The following GRIP1 variants were observed in gnomAD, a reference collection of about 807,000 sequenced individuals.
GRIP1 encodes glutamate receptor-interacting protein 1.
In GRIP1, 45 loss-of-function variants were observed where a neutral mutation model predicts 129.9. The ratio of observed to expected loss-of-function variants is 0.35; its 90% CI spans 0.27 to 0.44. The LOEUF (loss-of-function observed/expected upper bound fraction) is 0.44. Ranked by LOEUF, GRIP1 falls within the 20% of genes least tolerant of loss-of-function variation. The pLI, the probability that GRIP1 is intolerant of heterozygous loss-of-function variation, is 1.00. For missense variants in GRIP1, 1,196 were observed against 1,396.8 expected (o/e 0.86, Z 2.29); for synonymous variants, 530 against 520.8 (o/e 1.02, Z -0.24).
At chr12:66,535,685 T>C (rs1227094170) in intron 4 of GRIP1, among the ~76,000 whole-genome samples, 2 of 152,236 alleles carry the variant, frequency 1.3e-5, no homozygotes, top group Admixed American at 6.5e-5. Context: ...GCAAGGTTTG[T>C]GAACATAGTC....
At chr12:66,477,230 A>T (rs2138501234) in intron 7 of GRIP1, among the ~76,000 whole-genome samples, 1 of 152,322 alleles carries the variant, frequency 6.6e-6, no homozygotes, top group African/African-American at 2.4e-5. Flanking sequence ...CCTCTACACC[A>T]ATAACAGACA....
chr12:66,578,999 G>A (rs2063257975), intron 2 of GRIP1, among the ~76,000 whole-genome samples: 1 of 152,198 alleles, frequency 6.6e-6, no homozygotes, highest in African/African-American at 2.4e-5. Flanking sequence ...GCCTAACTGG[G>A]AGGCACCCCC....
chr12:66,369,416 A>C (rs2055354616), intron 23 of GRIP1, among the ~76,000 whole-genome samples: 3 of 136,612 alleles, frequency 2.2e-5, no homozygotes, highest in African/African-American at 8.7e-5. Context: ...CGTCCAATTC[A>C]TTGTCATTAT....
intron 1 of GRIP1, among the ~76,000 whole-genome samples, chr12:66,662,941 A>G (rs1275470436): frequency 6.6e-6 from 1 of 152,204 alleles, no homozygotes. Context: ...ATCTTGGATT[A>G]AAGCCCAGGC....
At chr12:66,378,156 G>A (rs1424619463) in intron 20 of GRIP1, among the ~76,000 whole-genome samples, 1 of 151,812 alleles carries the variant, frequency 6.6e-6, no homozygotes, top group Non-Finnish European at 1.5e-5. Flanking sequence ...AAAGAAAGGA[G>A]AGGGGCCCAG....
At chr12:66,701,163 G>T (rs1313350400) in intron 1 of GRIP1, among the ~76,000 whole-genome samples, 4 of 152,028 alleles carry the variant, frequency 2.6e-5, no homozygotes, top group Non-Finnish European at 5.9e-5. Context: ...ATCCATTATG[G>T]TCCTACTCCT....
At chr12:66,694,622 A>G (rs1227010810) in intron 1 of GRIP1, among the ~76,000 whole-genome samples, 1 of 152,218 alleles carries the variant, frequency 6.6e-6, no homozygotes, top group East Asian at 1.9e-4. Context: ...CATTATTAGT[A>G]AAGTATTTAG....
At chr12:67,008,350 A>G (rs558780416) in intron 1 of GRIP1, among the ~76,000 whole-genome samples, 1 of 152,328 alleles carries the variant, frequency 6.6e-6, no homozygotes, top group Non-Finnish European at 1.5e-5. Flanking sequence ...CAAGTCTCAA[A>G]TCCATCCACC....
chr12:66,961,886 A>G (rs951369520), intron 1 of GRIP1, among the ~76,000 whole-genome samples: 7 of 152,176 alleles, frequency 4.6e-5, no homozygotes, highest in African/African-American at 1.4e-4. Context: ...TATATTGCTA[A>G]AAAACGTTGT....
chr12:66,599,518 C>T (rs113560832), intron 1 of GRIP1, among the ~76,000 whole-genome samples: 5 of 152,270 alleles, frequency 3.3e-5, no homozygotes, highest in African/African-American at 1.2e-4. Flanking sequence ...AGCTACCCAT[C>T]ACAGAATAAA....
intron 1 of GRIP1, among the ~76,000 whole-genome samples, chr12:67,066,395 T>C (rs116154008): frequency 1.1e-3 from 174 of 152,290 alleles, no homozygotes; most frequent in African/African-American, 4.0e-3. Flanking sequence ...TTAATTTGCG[T>C]TACATCTCAA....
intron 1 of GRIP1, among the ~76,000 whole-genome samples, chr12:66,753,059 C>A (rs1026554313): frequency 2.6e-5 from 4 of 152,080 alleles, no homozygotes; most frequent in Admixed American, 2.0e-4. Flanking sequence ...CTCTTTGACT[C>A]CCCAGCCCCT....
chr12:66,451,435 A>G (rs2058803026), intron 11 of GRIP1, among the ~76,000 whole-genome samples: 1 of 86,028 alleles, frequency 1.2e-5, no homozygotes. Flanking sequence ...ATAGGCTCTC[A>G]CTCTGTTGCC....
chr12:66,964,596 G>A (rs959939888), intron 1 of GRIP1, among the ~76,000 whole-genome samples: 7 of 151,822 alleles, frequency 4.6e-5, no homozygotes, highest in African/African-American at 7.3e-5. Flanking sequence ...ACCCTCTCCC[G>A]GCCAGTTTTC....
chr12:66,799,763 C>A (rs2038805012), intron 1 of GRIP1, among the ~76,000 whole-genome samples: 1 of 152,152 alleles, frequency 6.6e-6, no homozygotes, highest in East Asian at 1.9e-4. Context: ...TTTCCTGAAG[C>A]AGAGAGGGTG....
intron 1 of GRIP1, among the ~76,000 whole-genome samples, chr12:66,785,590 T>C (rs535154887): frequency 2.6e-5 from 4 of 152,036 alleles, no homozygotes; most frequent in Non-Finnish European, 4.4e-5. Context: ...TGTGTCCTTT[T>C]ATTTAAGTAG....
At chr12:66,537,338 T>C (rs2061635618) in intron 4 of GRIP1, among the ~76,000 whole-genome samples, 1 of 152,130 alleles carries the variant, frequency 6.6e-6, no homozygotes, top group Non-Finnish European at 1.5e-5. Context: ...CTAAAGTTCA[T>C]CTCTGCTATG....
chr12:66,474,505 C>A (rs1302598678), intron 7 of GRIP1, among the ~76,000 whole-genome samples: 1 of 152,050 alleles, frequency 6.6e-6, no homozygotes, highest in Admixed American at 6.6e-5. Flanking sequence ...TTGAGAAGAG[C>A]AACTCCAAGA....
At chr12:67,034,665 C>T (rs1340806880) in intron 1 of GRIP1, among the ~76,000 whole-genome samples, 8 of 152,120 alleles carry the variant, frequency 5.3e-5, no homozygotes, top group African/African-American at 1.5e-4. Context: ...TAGAACACGA[C>T]TGTACATTTT....
Sources: gnomAD v4.1 joint callset for allele counts (sites outside exome capture counted in the v4.1 genomes callset) on GRCh38, gnomAD v4.1.1 for gene constraint, MANE v1.5 for transcripts, NCBI Gene and HGNC (gene_info 2026-07-23, HGNC 2026-07-21) for gene names.